The following TNN variants were observed in gnomAD, a reference collection of about 807,000 sequenced individuals.
TNN encodes the protein tenascin-N.
Under a neutral mutation model 134.4 loss-of-function variants are expected in TNN, and 122 were observed. The observed-to-expected ratio is 0.91, with a 90% CI of 0.78 to 1.06. The LOEUF is 1.06. TNN is among the 50% of genes least tolerant of loss of function. TNN has a pLI of 0.00. For synonymous variants in TNN, 710 were observed against 670.3 expected, an observed-to-expected ratio of 1.06 and a Z score of -0.91; for missense variants, 1,739 against 1,699.4, an observed-to-expected ratio of 1.02 and a Z score of -0.41.
Position 175,128,150 on chromosome 1 carries a change from C to T in TNN, c.3164C>T (p.Thr1055Ile), listed in dbSNP as rs781616521. ...KGGRRSRNVS[T>I]TLSTVGARFP... ...GGTCGCCGGAGCAGAAATGTATCCA[C>T]CACCCTCTCCACAGGTAATATGGAA... The change falls in exon 14 of 19, where the codon ACC becomes ATC. Residue 1055 changes from threonine (T) to isoleucine (I), a missense_variant. Thr to Ile is a moderately conservative substitution (Grantham distance 89, BLOSUM62 -1). Coordinates refer to ENST00000239462, the MANE Select transcript of TNN (RefSeq NM_022093.2). The T allele has an allele frequency of 6.2e-7, 1 of 1,606,214 alleles. No homozygotes were observed. Among genetic ancestry groups the T allele is most frequent in the Admixed American group, 1.7e-5 (1 of 58,848 alleles).
chr1:175,136,806 G>T lies in TNN; in HGVS notation c.3428-15G>T, dbSNP rs4650703. 2.5e-6 allele frequency: 4 copies of T among 1,611,160 alleles called. No individual in the cohort carries two copies. Among genetic ancestry groups the T allele is most frequent in the Non-Finnish European group, 2.5e-6 (3 of 1,178,120 alleles). ...TGGGTTGATTGATTATTGGAATTCCGTTTTTTATTTTTAGGACTTGACAAG... is the reference window on the plus strand; with the variant it reads ...TGGGTTGATTGATTATTGGAATTCCTTTTTTTATTTTTAGGACTTGACAAG... On this transcript the variant is annotated splice_polypyrimidine_tract_variant and intron_variant, in intron 16 of 18. Coordinates refer to ENST00000239462, the MANE Select transcript of TNN (RefSeq NM_022093.2).
At chr1:175,119,783 C>T (rs377181557) in intron 11 of TNN, among the ~76,000 whole-genome samples, 285 of 152,024 alleles carry the variant, frequency 1.9e-3, no homozygotes, top group African/African-American at 5.6e-3. Context: ...TACAAGCGCC[C>T]GCCACCATGC....
intron 18 of TNN, among the ~76,000 whole-genome samples, chr1:175,145,569 A>AAAAAAAAAAAAAAAAAC (rs1558378521): frequency 6.7e-6 from 1 of 148,764 alleles, no homozygotes; most frequent in Non-Finnish European, 1.5e-5. Flanking sequence ...AAAAAAAAAA[A>AAAAAAAAAAAAAAAAAC]AAAAAAGCTG....
chr1:175,108,559 G>A (rs955682916), intron 9 of TNN, among the ~76,000 whole-genome samples: 2 of 152,246 alleles, frequency 1.3e-5, no homozygotes, highest in African/African-American at 4.8e-5. Flanking sequence ...CGGAGGCAGG[G>A]GAAGGCTTAG....
rs1406745192 is a variant in TNN, at chr1:175,079,714, G to A, written c.784+7G>A. ...GGCCTGGACTGTGCCCAGGGTGAGA[G>A]CGGAGATGTGCCCTCGGGCCGCCGG... is the stretch of plus-strand genomic sequence containing the variant. On this transcript the variant is annotated splice_region_variant and intron_variant, in intron 3 of 18. Transcript: ENST00000239462. 3 of 1,572,686 alleles carry A rather than the reference G, an allele frequency of 1.9e-6. No homozygotes were observed. In the South Asian group the frequency reaches 3.5e-5, roughly 18 times the overall value.
At position 175,079,476 on chromosome 1, in the gene TNN, C is replaced by A; in HGVS notation, c.553C>A (p.Arg185Ser). Residue 185 changes from arginine to serine, a missense_variant, in exon 3 of 19, where the codon CGC becomes AGC. Arg to Ser is a moderately radical substitution (Grantham distance 110, BLOSUM62 -1). Transcript: ENST00000239462. ...CSGHGRCVDG[R>S]CLCHEPYVGA... is the part of the protein sequence containing the mutation. ...CGGCCACGGGCGTTGCGTGGACGGGCGCTGCCTGTGCCATGAGCCCTACGT... is the reference window on the plus strand; with the variant it reads ...CGGCCACGGGCGTTGCGTGGACGGGAGCTGCCTGTGCCATGAGCCCTACGT... The A allele has an allele frequency of 2.6e-6, 4 of 1,562,934 alleles. No homozygotes were observed. Among genetic ancestry groups the A allele is most frequent in the Non-Finnish European group, 3.5e-6 (4 of 1,156,110 alleles).
Position 175,107,347 on chromosome 1 carries a change from C to G in TNN, c.2119+8752C>G, listed in dbSNP as rs949699914. 1.1e-4 allele frequency among the ~76,000 whole-genome samples: 16 copies of G among 143,278 alleles called. 1 individual carries two copies. The highest frequency in any genetic ancestry group is 1.9e-4 in the Non-Finnish European group (12 of 64,634). The allele number at this position is 143,278 out of a possible 152,430, so 94.0% of individuals were successfully genotyped here. On this transcript the variant is annotated intron_variant, in intron 9 of 18. Transcript: ENST00000239462. ...GTGGCGCATCTGGAGTCTGTCCCTT[C>G]TGATGTTCTGATGTGTTCGGAGTTT...
chr1:175,088,743 T>A (rs1674375024), intron 6 of TNN, among the ~76,000 whole-genome samples: 1 of 152,246 alleles, frequency 6.6e-6, no homozygotes, highest in Non-Finnish European at 1.5e-5. Flanking sequence ...AAACATTTAT[T>A]GCAGGATGTA....
chr1:175,123,518 C>T lies in TNN; in HGVS notation c.2769C>T (p.Asp923=), dbSNP rs199534795. 208 of 1,614,042 alleles carry T rather than the reference C, an allele frequency of 1.3e-4. No individual in the cohort carries two copies. Among genetic ancestry groups the T allele is most frequent in the Middle Eastern group, 1.7e-4 (1 of 6,060 alleles). ...DKYMVRYTSA[D]GETREVPVGK... is the part of the protein sequence containing the mutation. ...ACATGGTGCGCTACACCTCTGCTGA[C>T]GGAGAGACCAGGGAGGTTCCGGTGG... The change falls in exon 12 of 19, where the codon GAC becomes GAT. Residue 923 remains aspartate, a synonymous_variant. Transcript: ENST00000239462.
In TNN at chr1:175,123,460, C is replaced by T. The variant is rs143453946; in HGVS notation, c.2711C>T (p.Ser904Phe). Residue 904 changes from serine (S) to phenylalanine (F), a missense_variant, in exon 12 of 19, where the codon TCC becomes TTC. Ser to Phe is a radical substitution (Grantham distance 155). Transcript: ENST00000239462. ...GTGACGGAGAATATGGCCACTGTCT[C>T]CTGGGACCCGGTTCAGGCCACCATT... Reference protein sequence around the residue: ...DWVTENMATVSWDPVQATIDK... With the variant: ...DWVTENMATVFWDPVQATIDK... 3.7e-6 allele frequency: 6 copies of T among 1,614,226 alleles called. No homozygotes were observed. Among genetic ancestry groups the T allele is most frequent in the Non-Finnish European group, 5.1e-6 (6 of 1,180,040 alleles).
intron 12 of TNN, among the ~76,000 whole-genome samples, chr1:175,126,104 C>CTTTTTT (rs11410834): frequency 3.0e-5 from 4 of 133,332 alleles, no homozygotes; most frequent in African/African-American, 1.1e-4. Context: ...TTGTTTCTTT[C>CTTTTTT]TTTTTTTTTT....
At chr1:175,088,025 C>A (rs1260423229) in intron 6 of TNN, among the ~76,000 whole-genome samples, 1 of 152,198 alleles carries the variant, frequency 6.6e-6, no homozygotes, top group Non-Finnish European at 1.5e-5. Context: ...GTGGGTGTGC[C>A]ACCCTCCCCA....
chr1:175,119,888 A>G (rs948196534), intron 11 of TNN, among the ~76,000 whole-genome samples: 2 of 152,142 alleles, frequency 1.3e-5, no homozygotes, highest in South Asian at 2.1e-4. Flanking sequence ...TCCGCCTACC[A>G]TGGCCTCCCA....
Position 175,136,974 on chromosome 1 carries a change from A to C in TNN, c.3581A>C (p.Tyr1194Ser). Residue 1194 changes from tyrosine (Y) to serine (S), a missense_variant, in exon 17 of 19, where the codon TAC (tyrosine) becomes TCC (serine). Tyr to Ser is a moderately radical substitution (Grantham distance 144). Coordinates refer to ENST00000239462, the MANE Select transcript of TNN (RefSeq NM_022093.2). ...CGGTATAAGCTGACAGTTGGGAAATACAGAGGCACGGCAGGTGAGAAAAAA... is the reference window on the plus strand; with the variant it reads ...CGGTATAAGCTGACAGTTGGGAAATCCAGAGGCACGGCAGGTGAGAAAAAA... ...KERYKLTVGK[Y>S]RGTAGDALTY... The C allele has an allele frequency of 6.2e-7, 1 of 1,614,098 alleles. No individual in the cohort carries two copies. Among genetic ancestry groups the C allele is most frequent in the Non-Finnish European group, 8.5e-7 (1 of 1,179,962 alleles).
chr1:175,102,489 C>G (rs559941670), intron 9 of TNN, among the ~76,000 whole-genome samples: 1 of 145,846 alleles, frequency 6.9e-6, no homozygotes, highest in African/African-American at 2.5e-5. Context: ...AGCGCAGTGC[C>G]GGTGGGCTGG....
At chr1:175,068,056 A>G in intron 1 of TNN, 121 bp downstream of exon 1, 1 of 417,320 alleles carries the variant, frequency 2.4e-6, no homozygotes, top group Non-Finnish European at 4.8e-6. Flanking sequence ...GGGCAGTGTA[A>G]TTAGTCTCCT....
rs780402309 is a variant in TNN, at chr1:175,080,373, G to A, written c.995G>A (p.Arg332His). The change falls in exon 4 of 19, where the codon CGT (arginine) becomes CAT (histidine). Residue 332 changes from arginine to histidine, a missense_variant. By Grantham distance (29) the Arg-to-His change is conservative. Coordinates refer to ENST00000239462, the MANE Select transcript of TNN (RefSeq NM_022093.2). ...LPGTKYIVTL[R>H]NVKNEVSSSP... ...GGAACCAAGTACATAGTCACCCTGC[G>A]TAACGTCAAGAATGAAGTTTCTAGC... is the stretch of plus-strand genomic sequence containing the variant. 6.6e-5 allele frequency: 106 copies of A among 1,613,924 alleles called. No individual in the cohort carries two copies. The highest frequency in any genetic ancestry group is 3.2e-4 in the Admixed American group (19 of 59,992).
intron 15 of TNN, among the ~76,000 whole-genome samples, chr1:175,133,297 C>T (rs1367203690): frequency 1.3e-5 from 2 of 152,224 alleles, no homozygotes; most frequent in Non-Finnish European, 2.9e-5. Context: ...AGAAGGCAGT[C>T]CACACTTTGG....
At chr1:175,092,013 T>C (rs1449623874) in intron 6 of TNN, among the ~76,000 whole-genome samples, 2 of 152,170 alleles carry the variant, frequency 1.3e-5, no homozygotes, top group Non-Finnish European at 2.9e-5. Flanking sequence ...TGGGAGGCAC[T>C]GCTGGGACCT....
Sources: allele counts gnomAD v4.1 joint callset (sites outside exome capture counted in the v4.1 genomes callset), GRCh38; gene constraint gnomAD v4.1.1; transcripts MANE v1.5; gene names NCBI Gene and HGNC (gene_info 2026-07-23, HGNC 2026-07-21).